PCSK2: variants seen among roughly 807,000 people sequenced by gnomAD.
The protein encoded by PCSK2 is neuroendocrine convertase 2.
PCSK2 carries 14 observed loss-of-function variants against 69.7 expected under a neutral mutation model. That is an observed-to-expected ratio of 0.20 (90% CI 0.13 to 0.31). The LOEUF is 0.31. Among genes scored for constraint, PCSK2 ranks in the 10% least tolerant of loss-of-function variants. The pLI, the probability that PCSK2 is intolerant of heterozygous loss-of-function variation, is 1.00. For synonymous variants in PCSK2, 307 were observed against 320.7 expected, an observed-to-expected ratio of 0.96 and a Z score of 0.46; for missense variants, 544 against 842.5, an observed-to-expected ratio of 0.65 and a Z score of 4.39.
chr20:17,266,590 T>C (rs1301376724), intron 2 of PCSK2, among the ~76,000 whole-genome samples: 2 of 152,210 alleles, frequency 1.3e-5, no homozygotes. Context: ...GGTCTTCATT[T>C]TGGATTTCCC....
At chr20:17,426,807 G>A (rs1350730211) in intron 6 of PCSK2, among the ~76,000 whole-genome samples, 3 of 152,150 alleles carry the variant, frequency 2.0e-5, no homozygotes, top group Non-Finnish European at 4.4e-5. Flanking sequence ...TGAGGCCCAC[G>A]CACATTATGG....
At chr20:17,451,214 G>A (rs893763237) in intron 8 of PCSK2, among the ~76,000 whole-genome samples, 13 of 152,322 alleles carry the variant, frequency 8.5e-5, no homozygotes, top group Middle Eastern at 3.4e-3. Context: ...TACTGTTCAC[G>A]GTTCAGAAAC....
At chr20:17,417,404 C>T (rs911044050) in intron 6 of PCSK2, among the ~76,000 whole-genome samples, 2 of 151,894 alleles carry the variant, frequency 1.3e-5, no homozygotes, top group Non-Finnish European at 2.9e-5. Context: ...GATCCCCATG[C>T]CTTAGGGAGC....
chr20:17,339,202 G>A (rs964500204), intron 2 of PCSK2, among the ~76,000 whole-genome samples: 1 of 152,168 alleles, frequency 6.6e-6, no homozygotes, highest in Non-Finnish European at 1.5e-5. Context: ...ATGCTGACGA[G>A]GCATGAACAA....
At chr20:17,230,591 C>T (rs2122927460) in intron 1 of PCSK2, among the ~76,000 whole-genome samples, 1 of 152,280 alleles carries the variant, frequency 6.6e-6, no homozygotes, top group African/African-American at 2.4e-5. Flanking sequence ...TTTCCCTTTT[C>T]TTTTTACTTT....
At chr20:17,433,338 G>A (rs998382689) in intron 7 of PCSK2, among the ~76,000 whole-genome samples, 2 of 152,180 alleles carry the variant, frequency 1.3e-5, no homozygotes, top group African/African-American at 2.4e-5. Flanking sequence ...ATCACTGTAA[G>A]TACAATGACT....
At chr20:17,310,780 G>A (rs993960046) in intron 2 of PCSK2, among the ~76,000 whole-genome samples, 46 of 150,950 alleles carry the variant, frequency 3.0e-4, no homozygotes, top group Non-Finnish European at 4.7e-4. Flanking sequence ...TCACGAGGTC[G>A]GGAGTTCAAG....
chr20:17,290,251 G>T (rs1010071778), intron 2 of PCSK2, among the ~76,000 whole-genome samples: 1 of 152,186 alleles, frequency 6.6e-6, no homozygotes, highest in African/African-American at 2.4e-5. Context: ...TCTTCAGTTA[G>T]TGACTGAATT....
intron 5 of PCSK2, among the ~76,000 whole-genome samples, chr20:17,396,359 A>G (rs1246972274): frequency 6.6e-6 from 1 of 152,194 alleles, no homozygotes; most frequent in Non-Finnish European, 1.5e-5. Context: ...CAGCTGTGGT[A>G]AGCCCATCTG....
In PCSK2 at chr20:17,484,026, C is replaced by G. The variant is rs2033455587; in HGVS notation, c.*1956C>G. 6.6e-6 allele frequency: 1 copy of G among 152,208 alleles called. No homozygotes were observed. Among genetic ancestry groups the G allele is most frequent in the South Asian group, 2.1e-4 (1 of 4,800 alleles). The allele number at this position is 152,208 out of a possible 1,614,324, so 9.4% of individuals were successfully genotyped here. On this transcript the variant is annotated 3_prime_UTR_variant, in exon 12 of 12. Coordinates refer to ENST00000262545, the MANE Select transcript of PCSK2 (RefSeq NM_002594.5). ...TGTGTATTTATTGAAGAAACAGATA[C>G]CATACTCATTTCTAAAAGAATATTC...
intron 2 of PCSK2, among the ~76,000 whole-genome samples, chr20:17,356,568 T>C (rs1210424): frequency 1 from 152,015 of 152,262 alleles, 75,884 homozygotes; most frequent in Middle Eastern, 1. Context: ...CTCTTCCTGC[T>C]GTCATTCTCG....
chr20:17,359,590 A>C (rs1306543775), intron 3 of PCSK2, among the ~76,000 whole-genome samples: 1 of 152,230 alleles, frequency 6.6e-6, no homozygotes, highest in Non-Finnish European at 1.5e-5. Context: ...AAAATGGCAC[A>C]TGAGATCACA....
intron 2 of PCSK2, among the ~76,000 whole-genome samples, chr20:17,278,777 G>A (rs547199891): frequency 2.6e-5 from 4 of 152,170 alleles, no homozygotes; most frequent in African/African-American, 7.2e-5. Context: ...CACTTTGGGA[G>A]GCCAAGGTGT....
chr20:17,260,110 G>A (rs1987320207), intron 1 of PCSK2, 130 bp from the exon 2 acceptor site: 7 of 677,000 alleles, frequency 1.0e-5, no homozygotes, highest in East Asian at 9.9e-5. Flanking sequence ...CTGACAGGAG[G>A]TTTGCCAGTG....
intron 5 of PCSK2, among the ~76,000 whole-genome samples, chr20:17,375,819 A>G (rs1424661279): frequency 6.6e-6 from 1 of 152,204 alleles, no homozygotes; most frequent in Non-Finnish European, 1.5e-5. Context: ...TCTTGAGTGC[A>G]GCAAATACAG....
chr20:17,282,902 C>A (rs995372784), intron 2 of PCSK2, among the ~76,000 whole-genome samples: 5 of 152,008 alleles, frequency 3.3e-5, no homozygotes, highest in Non-Finnish European at 5.9e-5. Flanking sequence ...TTATTCAGAT[C>A]TTTAGTTTCT....
chr20:17,308,504 C>T (rs1157274115), intron 2 of PCSK2, among the ~76,000 whole-genome samples: 5 of 152,154 alleles, frequency 3.3e-5, no homozygotes, highest in Non-Finnish European at 7.3e-5. Flanking sequence ...GAGGACAGAA[C>T]AAATTCTCTG....
At chr20:17,328,947 G>A (rs1436536827) in intron 2 of PCSK2, among the ~76,000 whole-genome samples, 1 of 152,184 alleles carries the variant, frequency 6.6e-6, no homozygotes, top group Non-Finnish European at 1.5e-5. Flanking sequence ...TCCTGTGGGT[G>A]ATCTTCCCTC....
intron 2 of PCSK2, among the ~76,000 whole-genome samples, chr20:17,295,213 AACACACACAC>A (rs58508384): frequency 1.4e-5 from 2 of 146,278 alleles, no homozygotes; most frequent in Non-Finnish European, 1.5e-5. Flanking sequence ...ATACGCAGTT[AACACACACAC>A]ACACACACAC....
Sources: gnomAD v4.1 joint callset for allele counts (sites outside exome capture counted in the v4.1 genomes callset) on GRCh38, gnomAD v4.1.1 for gene constraint, MANE v1.5 for transcripts, NCBI Gene and HGNC (gene_info 2026-07-23, HGNC 2026-07-21) for gene names.